TCERG1: variants seen among roughly 807,000 people sequenced by gnomAD.
TCERG1 encodes TATA box binding protein (TBP)-associated factor, RNA polymerase II, S, 150kD.
In TCERG1, 37 loss-of-function variants were observed where a neutral mutation model predicts 144.7. The observed-to-expected ratio is 0.26, with a 90% confidence interval of 0.20 to 0.34. The LOEUF is 0.34. TCERG1 is among the 10% of genes least tolerant of loss of function. TCERG1 has a pLI of 1.00. For missense variants in TCERG1, 1,027 were observed against 1,380.7 expected (o/e 0.74, Z 4.06); for synonymous variants, 492 against 458.2 (o/e 1.07, Z -0.94).
intron 9 of TCERG1, among the ~76,000 whole-genome samples, chr5:146,477,973 A>G (rs192674347): frequency 6.6e-6 from 1 of 152,118 alleles, no homozygotes; most frequent in African/African-American, 2.4e-5. Flanking sequence ...AAAGTGTTAG[A>G]ATTACAGGCC....
intron 17 of TCERG1, 36 bp downstream of exon 17, chr5:146,498,722 G>A: frequency 6.3e-7 from 1 of 1,582,690 alleles, no homozygotes; most frequent in Non-Finnish European, 8.6e-7. Flanking sequence ...GTGATTGATG[G>A]GAGTGTGAAT....
intron 19 of TCERG1, among the ~76,000 whole-genome samples, chr5:146,505,773 G>T (rs987098465): frequency 6.6e-6 from 1 of 151,790 alleles, no homozygotes; most frequent in Non-Finnish European, 1.5e-5. Context: ...TATCCTTTTT[G>T]TTTTTTTATT....
intron 4 of TCERG1, 59 bp downstream of exon 4, chr5:146,459,396 A>G (rs1352168394): frequency 6.4e-7 from 1 of 1,559,854 alleles, no homozygotes. Flanking sequence ...CAAGTAGGGG[A>G]CTACATTTCA....
At chr5:146,508,014 T>A in intron 21 of TCERG1, 58 bp downstream of exon 21, 2 of 1,225,206 alleles carry the variant, frequency 1.6e-6, no homozygotes, top group Non-Finnish European at 1.2e-6. Context: ...AATCGGGGCC[T>A]AACAGCACTA....
chr5:146,466,020 C>CAA (rs57028887), intron 5 of TCERG1, among the ~76,000 whole-genome samples: 17,315 of 81,750 alleles, frequency 0.21, 2,072 homozygotes, highest in East Asian at 0.77. Flanking sequence ...AACTCTGTCT[C>CAA]AAAAAAAAAA....
At chr5:146,509,062 A>T in intron 21 of TCERG1, 83 bp from the exon 22 acceptor site, 1 of 702,620 alleles carries the variant, frequency 1.4e-6, no homozygotes, top group Non-Finnish European at 2.3e-6. Context: ...CTTACACATT[A>T]CTGTTTAATA....
At chr5:146,454,373 C>T (rs1051438100) in intron 1 of TCERG1, among the ~76,000 whole-genome samples, 3 of 151,920 alleles carry the variant, frequency 2.0e-5, no homozygotes, top group African/African-American at 7.3e-5. Flanking sequence ...TAGTTTTGAT[C>T]ACGGGGTCAA....
At chr5:146,498,106 G>A (rs72822822) in intron 16 of TCERG1, among the ~76,000 whole-genome samples, 2 of 151,958 alleles carry the variant, frequency 1.3e-5, no homozygotes, top group African/African-American at 4.8e-5. Context: ...TCTTTCTGTT[G>A]TCTACTCCTT....
rs539369620 is a variant in TCERG1, at chr5:146,503,599, G to T, written c.2598+60G>T. On this transcript the variant is annotated intron_variant, in intron 18 of 22. Transcript: ENST00000679501. ...AATAATACAATTCTTGTGTTTAAGG[G>T]TATATGTTGTTGTTGGGGATTTTTC... The T allele has an allele frequency of 9.9e-4, 1,549 of 1,560,042 alleles. 4 individuals carry two copies. Among genetic ancestry groups the T allele is most frequent in the South Asian group, 2.5e-3 (208 of 84,162 alleles).
intron 21 of TCERG1, among the ~76,000 whole-genome samples, chr5:146,508,779 G>A (rs1768216520): frequency 6.6e-6 from 1 of 152,178 alleles, no homozygotes; most frequent in Admixed American, 6.5e-5. Context: ...AATACAGTGT[G>A]CAGGAAGTGA....
At chr5:146,455,569 T>A (rs1167633240) in intron 2 of TCERG1, among the ~76,000 whole-genome samples, 2 of 152,242 alleles carry the variant, frequency 1.3e-5, no homozygotes, top group Non-Finnish European at 2.9e-5. Context: ...TAATGCATCT[T>A]CTTTATGGGA....
At chr5:146,469,799 G>T in intron 7 of TCERG1, 55 bp downstream of exon 7, 1 of 1,212,936 alleles carries the variant, frequency 8.2e-7, no homozygotes, top group East Asian at 2.8e-5. Flanking sequence ...TAAGTAGAAT[G>T]GTATTTGAAA....
chr5:146,463,582 T>C lies in TCERG1; in HGVS notation c.924T>C (p.Ser308=), dbSNP rs1763524071. 1 of 1,614,116 alleles carries C rather than the reference T, an allele frequency of 6.2e-7. No individual in the cohort carries two copies. Among genetic ancestry groups the C allele is most frequent in the African/African-American group, 1.3e-5 (1 of 74,932 alleles). The change falls in exon 5 of 23, where the codon TCT becomes TCC. Residue 308 remains serine (S), a synonymous_variant. Coordinates refer to ENST00000679501, the MANE Select transcript of TCERG1 (RefSeq NM_001382548.1). ...TPTTQDQTPS[S]AVSVATPTVS... Reference sequence around the variant, plus strand: ...CAACACAAGATCAGACCCCAAGTTCTGCTGTTTCAGTTGCCACGCCTACAG... The same window carrying C: ...CAACACAAGATCAGACCCCAAGTTCCGCTGTTTCAGTTGCCACGCCTACAG...
chr5:146,454,126 G>C (rs1332429863), intron 1 of TCERG1, among the ~76,000 whole-genome samples: 1 of 151,798 alleles, frequency 6.6e-6, no homozygotes, highest in African/African-American at 2.4e-5. Context: ...GCCTGAACCC[G>C]GGAGGCGGAG....
intron 1 of TCERG1, among the ~76,000 whole-genome samples, chr5:146,447,724 G>C (rs1005923286): frequency 6.6e-6 from 1 of 152,210 alleles, no homozygotes; most frequent in African/African-American, 2.4e-5. Context: ...GCCGCGTGTC[G>C]CCTCCGTCTC....
rs1185552404 is a variant in TCERG1, at chr5:146,455,101, A to G, written c.105A>G (p.Pro35=). ...TGAGGTTCCGAGGTCCGGCTCCCCC[A>G]CCAAATGCAGTGATGCGAGGCCCAC... is the stretch of plus-strand genomic sequence containing the variant. ...QALRFRGPAP[P]PNAVMRGPPP... is the part of the protein sequence containing the mutation. Residue 35 remains proline, a synonymous_variant, in exon 2 of 23, where the codon CCA becomes CCG. Transcript: ENST00000679501. The G allele has an allele frequency of 6.2e-7, 1 of 1,614,186 alleles. No homozygotes were observed. Among genetic ancestry groups the G allele is most frequent in the East Asian group, 2.2e-5 (1 of 44,884 alleles).
chr5:146,495,680 AG>A (rs1293533395), intron 16 of TCERG1, among the ~76,000 whole-genome samples: 17 of 152,204 alleles, frequency 1.1e-4, no homozygotes, highest in Non-Finnish European at 2.4e-4. Context: ...TGATGTTTTA[AG>A]TTCTAAATTG....
Position 146,454,953 on chromosome 5 carries a change from T to G in TCERG1, c.60-103T>G, listed in dbSNP as rs186598505. On this transcript the variant is annotated intron_variant, in intron 1 of 22. Coordinates refer to ENST00000679501, the MANE Select transcript of TCERG1 (RefSeq NM_001382548.1). ...AAAATGATGACTTTCCAACTCCACT[T>G]AGACTTAAGAACCTTTTAAATTTGA... The G allele has an allele frequency of 4.9e-4, 626 of 1,270,616 alleles. 6 individuals are homozygous for G. In the African/African-American group the frequency reaches 8.4e-3, roughly 17 times the overall value. 78.7% of individuals were successfully genotyped at this position (1,270,616 alleles called of 1,614,324 possible).
At chr5:146,448,479 G>C (rs975094287) in intron 1 of TCERG1, among the ~76,000 whole-genome samples, 4 of 152,142 alleles carry the variant, frequency 2.6e-5, no homozygotes, top group African/African-American at 9.7e-5. Context: ...TTTTCTGTAT[G>C]GGAGAAATGG....
Sources: gnomAD v4.1 joint callset for allele counts (sites outside exome capture counted in the v4.1 genomes callset) on GRCh38, gnomAD v4.1.1 for gene constraint, MANE v1.5 for transcripts, NCBI Gene and HGNC (gene_info 2026-07-23, HGNC 2026-07-21) for gene names.